The following PTCD1 variants were observed in gnomAD, a reference collection of about 807,000 sequenced individuals.
The protein encoded by PTCD1 is pentatricopeptide repeat-containing protein 1, mitochondrial.
Under a neutral mutation model 53.4 loss-of-function variants are expected in PTCD1, and 50 were observed. The observed-to-expected ratio is 0.94, with a 90% CI of 0.75 to 1.19. PTCD1 has a LOEUF of 1.19. Among genes scored for constraint, PTCD1 ranks in the 50% most tolerant of loss-of-function variants. The pLI, the probability that PTCD1 is intolerant of heterozygous loss-of-function variation, is 0.00. For synonymous variants in PTCD1, 413 were observed against 394.8 expected (o/e 1.05, Z -0.55); for missense variants, 918 against 904.8 (o/e 1.01, Z -0.19).
At chr7:99,428,824 G>A (rs1796156242) in intron 5 of PTCD1, among the ~76,000 whole-genome samples, 1 of 151,910 alleles carries the variant, frequency 6.6e-6, no homozygotes, top group Non-Finnish European at 1.5e-5. Context: ...CAAGTCCCCA[G>A]GTGAGTGTGT....
chr7:99,426,052 G>GA (rs1796001309), intron 5 of PTCD1, among the ~76,000 whole-genome samples: 1 of 152,062 alleles, frequency 6.6e-6, no homozygotes. Context: ...GTGACAGAGC[G>GA]AGAGTGTCTC....
chr7:99,431,922 G>A (rs887266749), intron 3 of PTCD1, among the ~76,000 whole-genome samples: 1 of 152,200 alleles, frequency 6.6e-6, no homozygotes, highest in Non-Finnish European at 1.5e-5. Flanking sequence ...GAGCTGTGTT[G>A]ACTCAAGGTT....
Position 99,426,851 on chromosome 7 carries a change from G to A in PTCD1, c.916-1235C>T, listed in dbSNP as rs1205076412. Among the ~76,000 whole-genome samples the A allele has an allele frequency of 2.7e-4, 41 of 149,172 alleles. 1 individual carries two copies. The highest frequency in any genetic ancestry group is 8.9e-5 in the Non-Finnish European group (6 of 67,078). On this transcript the variant is annotated intron_variant, in intron 5 of 7. Coordinates refer to ENST00000292478, the MANE Select transcript of PTCD1 (RefSeq NM_015545.4). ...CCGCCCCGTCTGGGATGTGAGGAGC[G>A]CCTCTGCCCGGCCGCGACCCCGTCT...
chr7:99,429,521 A>G, intron 4 of PTCD1, 67 bp downstream of exon 4: 1 of 1,609,194 alleles, frequency 6.2e-7, no homozygotes, highest in South Asian at 1.1e-5. Context: ...GACAGACACC[A>G]CAGCCCTGCC....
intron 3 of PTCD1, 69 bp downstream of exon 3, chr7:99,433,209 A>G (rs1262024109): frequency 6.2e-7 from 1 of 1,612,320 alleles, no homozygotes; most frequent in Non-Finnish European, 8.5e-7. Flanking sequence ...AGCACTAGCA[A>G]GTGGCACACT....
In PTCD1 at chr7:99,433,426, G is replaced by C. The variant is rs771203974; in HGVS notation, c.454-8C>G. 1.4e-4 allele frequency: 218 copies of C among 1,614,002 alleles called. No homozygotes were observed. The highest frequency in any genetic ancestry group is 1.8e-4 in the Non-Finnish European group (212 of 1,180,044). ...GTCCAGGGCTTCAACCAGCTGCAGG[G>C]AAGAGGCAACAGGGCAGGGGCTCAG... is the stretch of plus-strand genomic sequence containing the variant. On this transcript the variant is annotated splice_polypyrimidine_tract_variant and splice_region_variant and intron_variant, in intron 2 of 7. Coordinates refer to ENST00000292478, the MANE Select transcript of PTCD1 (RefSeq NM_015545.4).
At chr7:99,437,697 ACT>A (rs940441578) in intron 1 of PTCD1, among the ~76,000 whole-genome samples, 19 of 151,236 alleles carry the variant, frequency 1.3e-4, no homozygotes, top group African/African-American at 4.4e-4. Context: ...TTTGCGTCTC[ACT>A]CTGTCACCAG....
intron 5 of PTCD1, among the ~76,000 whole-genome samples, chr7:99,426,471 C>T (rs370224822): frequency 2.0e-5 from 3 of 152,328 alleles, no homozygotes; most frequent in East Asian, 1.9e-4. Flanking sequence ...GGATTGCAGA[C>T]GGAGTCTCGT....
At position 99,419,153 on chromosome 7, in the gene PTCD1, G is replaced by C; in HGVS notation, c.*814C>G. On this transcript the variant is annotated 3_prime_UTR_variant, in exon 8 of 8. Coordinates refer to ENST00000292478, the MANE Select transcript of PTCD1 (RefSeq NM_015545.4). ...TTTCTTGATTGGCAAACGTGTGTTGGATTTGCAGAACATATTATAAATAGA... is the reference window on the plus strand; with the variant it reads ...TTTCTTGATTGGCAAACGTGTGTTGCATTTGCAGAACATATTATAAATAGA... 1 of 564,054 alleles carries C rather than the reference G, an allele frequency of 1.8e-6. No individual in the cohort carries two copies. The highest frequency in any genetic ancestry group is 3.2e-6 in the Non-Finnish European group (1 of 315,334). 34.9% of individuals were successfully genotyped at this position (564,054 alleles called of 1,614,324 possible).
intron 4 of PTCD1, 137 bp from the exon 5 acceptor site, chr7:99,429,341 G>T: frequency 1.6e-6 from 2 of 1,213,238 alleles, no homozygotes; most frequent in Non-Finnish European, 2.4e-6. Context: ...ACCAGCCTGG[G>T]CAACATAGCA....
In PTCD1 at chr7:99,425,527, C is replaced by A; in HGVS notation, c.1005G>T (p.Gly335=). 1 of 1,612,566 alleles carries A rather than the reference C, an allele frequency of 6.2e-7. No homozygotes were observed. The highest frequency in any genetic ancestry group is 1.1e-5 in the South Asian group (1 of 91,048). ...GCAGCTCTGAGGCCACCTGGGGGTC[C>A]CCTAGGCCACAGTCCCGAGCTGCCA... is the stretch of plus-strand genomic sequence containing the variant. ...LLVAARDCGL[G]DPQVASELLL... The change falls in exon 6 of 8, where the codon GGG becomes GGT. Residue 335 remains glycine (G), a synonymous_variant. Transcript: ENST00000292478.
At chr7:99,436,476 G>A (rs548818895) in intron 1 of PTCD1, among the ~76,000 whole-genome samples, 6 of 152,280 alleles carry the variant, frequency 3.9e-5, no homozygotes, top group African/African-American at 1.2e-4. Flanking sequence ...TTAGCTGGGC[G>A]TGACAGCGTG....
Position 99,429,118 on chromosome 7 carries a change from G to A in PTCD1, c.900C>T (p.Phe300=). The A allele has an allele frequency of 6.2e-7, 1 of 1,614,168 alleles. No homozygotes were observed. The highest frequency in any genetic ancestry group is 1.3e-5 in the African/African-American group (1 of 75,034). The change falls in exon 5 of 8, where the codon TTC becomes TTT. Residue 300 remains phenylalanine (F), a synonymous_variant. Transcript: ENST00000292478. ...AGGGACATACCTGGAGGGCGTACCG[G>A]AAGCCTGTCTTCTTGTCTTGGATGC... ...MGCIQDKKTG[F]RYALQVWRLM...
intron 3 of PTCD1, among the ~76,000 whole-genome samples, chr7:99,430,291 C>T (rs1246345972): frequency 6.6e-6 from 1 of 152,240 alleles, no homozygotes; most frequent in Non-Finnish European, 1.5e-5. Flanking sequence ...GCACAATGCA[C>T]ATTCTCAGGG....
intron 6 of PTCD1, 91 bp downstream of exon 6, chr7:99,424,703 TG>T: frequency 2.0e-6 from 3 of 1,503,644 alleles, no homozygotes; most frequent in African/African-American, 1.4e-5. Context: ...CCTCTCCAGG[TG>T]GGGGGTCTGC....
chr7:99,425,805 G>A (rs991599065), intron 5 of PTCD1, among the ~76,000 whole-genome samples, 189 bp from the exon 6 acceptor site: 2 of 152,204 alleles, frequency 1.3e-5, no homozygotes, highest in Non-Finnish European at 2.9e-5. Context: ...GGTGGCTCAC[G>A]CCTGTAATCC....
At chr7:99,424,393 C>T (rs923563971) in intron 6 of PTCD1, among the ~76,000 whole-genome samples, 11 of 152,224 alleles carry the variant, frequency 7.2e-5, no homozygotes, top group East Asian at 3.8e-4. Context: ...CTGCTGTGGT[C>T]GGATGAAATC....
intron 7 of PTCD1, among the ~76,000 whole-genome samples, chr7:99,421,449 A>T (rs1337798947): frequency 6.7e-6 from 1 of 148,768 alleles, no homozygotes; most frequent in African/African-American, 2.5e-5. Flanking sequence ...AAAAAAAAAG[A>T]AAAAAGAAAA....
Position 99,429,207 on chromosome 7 carries a change from G to A in PTCD1, c.814-3C>T. ...ACGTGCCCTTTGTGGATGATTTCCT[G>A]GGGGAGGGAACAAAGACGTCCCACT... On this transcript the variant is annotated splice_polypyrimidine_tract_variant and splice_region_variant and intron_variant, in intron 4 of 7. Transcript: ENST00000292478. The A allele has an allele frequency of 6.2e-7, 1 of 1,614,086 alleles. No individual in the cohort carries two copies. Among genetic ancestry groups the A allele is most frequent in the South Asian group, 1.1e-5 (1 of 91,084 alleles).
Sources: gnomAD v4.1 joint callset for allele counts (sites outside exome capture counted in the v4.1 genomes callset) on GRCh38, gnomAD v4.1.1 for gene constraint, MANE v1.5 for transcripts, NCBI Gene and HGNC (gene_info 2026-07-23, HGNC 2026-07-21) for gene names.